OXR1: variants seen among roughly 807,000 people sequenced by gnomAD.
The protein encoded by OXR1 is oxidation resistance 1, also known as oxidation resistance protein 1.
In OXR1, 41 loss-of-function variants were observed where a neutral mutation model predicts 104.6. The observed-to-expected ratio is 0.39, with a 90% CI of 0.31 to 0.51. OXR1 has a LOEUF of 0.51. Ranked by LOEUF, OXR1 falls within the 20% of genes least tolerant of loss-of-function variation. OXR1 has a pLI of 0.77. For synonymous variants in OXR1, 348 were observed against 348.4 expected, an observed-to-expected ratio of 1.00 and a Z score of 0.01; for missense variants, 955 against 1,031.9, an observed-to-expected ratio of 0.93 and a Z score of 1.02.
intron 2 of OXR1, among the ~76,000 whole-genome samples, chr8:106,452,725 T>C (rs1437243580): frequency 1.3e-5 from 2 of 152,204 alleles, no homozygotes; most frequent in East Asian, 3.8e-4. Flanking sequence ...TTTGAAATCT[T>C]GTCCTTTGCT....
chr8:106,740,192 C>G, intron 13 of OXR1, 151 bp from the exon 14 acceptor site: 1 of 536,032 alleles, frequency 1.9e-6, no homozygotes, highest in South Asian at 3.1e-5. Flanking sequence ...ACTTTTCAAT[C>G]ATCTTAGTAT....
chr8:106,525,169 G>A (rs1813562163), intron 3 of OXR1, among the ~76,000 whole-genome samples: 1 of 152,208 alleles, frequency 6.6e-6, no homozygotes, highest in Non-Finnish European at 1.5e-5. Context: ...AAGAGGAGAG[G>A]AGGGAGTCTG....
At chr8:106,283,925 C>T (rs1406086898) in intron 1 of OXR1, among the ~76,000 whole-genome samples, 1 of 152,156 alleles carries the variant, frequency 6.6e-6, no homozygotes, top group South Asian at 2.1e-4. Context: ...GTGACATCTG[C>T]CAAATCAAAA....
intron 2 of OXR1, among the ~76,000 whole-genome samples, chr8:106,373,596 C>T (rs1586578877): frequency 6.6e-6 from 1 of 152,194 alleles, no homozygotes; most frequent in East Asian, 1.9e-4. Context: ...ATAGGGTGTT[C>T]TTTAATATCT....
chr8:106,632,322 T>C lies in OXR1; in HGVS notation c.221-46888T>C, dbSNP rs565734027. Among the ~76,000 whole-genome samples, 22 of 152,360 alleles carry C rather than the reference T, an allele frequency of 1.4e-4. No individual in the cohort carries two copies. In the South Asian group the frequency reaches 4.1e-3, roughly 29 times the overall value. On this transcript the variant is annotated intron_variant, in intron 3 of 16. Coordinates refer to ENST00000517566, the MANE Select transcript of OXR1 (RefSeq NM_001198533.2). ...ATGTTCTGTGTCTTTTATCTTTATA[T>C]GGACAGTTTTTGGAAAACTGTTATG...
chr8:106,443,848 C>T (rs1285074773), intron 2 of OXR1, among the ~76,000 whole-genome samples: 2 of 152,102 alleles, frequency 1.3e-5, no homozygotes, highest in Non-Finnish European at 2.9e-5. Flanking sequence ...CAAATGGGGT[C>T]TCATTAAGCT....
chr8:106,346,354 T>C (rs1815480469), intron 1 of OXR1, among the ~76,000 whole-genome samples: 1 of 152,042 alleles, frequency 6.6e-6, no homozygotes, highest in South Asian at 2.1e-4. Flanking sequence ...TAAAGAAATG[T>C]GGAAGGGTAA....
Position 106,713,892 on chromosome 8 carries a change from T to C in OXR1, c.1863T>C (p.Tyr621=), listed in dbSNP as rs767933091. The change falls in exon 11 of 17, where the codon TAT becomes TAC. Residue 621 remains tyrosine (Y), a synonymous_variant. Transcript: ENST00000517566. The part of the protein sequence containing the change: ...PEIYAEDTGE[Y]TREPGFIVVK... Reference sequence around the variant, plus strand: ...TATATGCAGAAGATACTGGCGAATATACCAGAGAACCTGGATTTATAGTAG... The same window carrying C: ...TATATGCAGAAGATACTGGCGAATACACCAGAGAACCTGGATTTATAGTAG... 6.3e-7 allele frequency: 1 copy of C among 1,592,898 alleles called. No homozygotes were observed. The highest frequency in any genetic ancestry group is 1.8e-5 in the Admixed American group (1 of 54,470).
intron 3 of OXR1, among the ~76,000 whole-genome samples, chr8:106,574,908 C>T (rs1396230924): frequency 6.6e-6 from 1 of 152,154 alleles, no homozygotes; most frequent in Non-Finnish European, 1.5e-5. Flanking sequence ...AAGAAGATGA[C>T]AATCAACTAC....
In OXR1 at chr8:106,595,900, T is replaced by G. The variant is rs192074535; in HGVS notation, c.220+76761T>G. On this transcript the variant is annotated intron_variant, in intron 3 of 16. Coordinates refer to ENST00000517566, the MANE Select transcript of OXR1 (RefSeq NM_001198533.2). ...GCTACAGGTGCAGGTCAGGGGAGAC[T>G]GGTGAATATGAACCCTTGAAAAAGA... Among the ~76,000 whole-genome samples the G allele has an allele frequency of 9.7e-4, 148 of 152,282 alleles. 1 individual carries two copies. The highest frequency in any genetic ancestry group is 3.4e-3 in the African/African-American group (143 of 41,556).
intron 3 of OXR1, among the ~76,000 whole-genome samples, chr8:106,623,049 C>T (rs1821855335): frequency 6.6e-6 from 1 of 152,108 alleles, no homozygotes; most frequent in East Asian, 1.9e-4. Flanking sequence ...AGCGTCAGAG[C>T]TAAGATTCAA....
intron 11 of OXR1, among the ~76,000 whole-genome samples, chr8:106,717,410 T>C (rs62514964): frequency 0.023 from 3,463 of 152,238 alleles, 42 homozygotes; most frequent in East Asian, 0.039. Flanking sequence ...GATGAACTTG[T>C]TATGGCTACC....
intron 2 of OXR1, among the ~76,000 whole-genome samples, chr8:106,360,034 T>G (rs1170078031): frequency 1.3e-5 from 2 of 152,174 alleles, no homozygotes; most frequent in African/African-American, 2.4e-5. Flanking sequence ...ACTTCTTTGC[T>G]TCAGGTTTTA....
intron 10 of OXR1, among the ~76,000 whole-genome samples, chr8:106,712,468 A>T (rs1831795632): frequency 6.6e-6 from 1 of 152,118 alleles, no homozygotes; most frequent in South Asian, 2.1e-4. Context: ...GTGAAAGCAG[A>T]TAACAGGAAA....
chr8:106,538,855 G>A (rs1406110262), intron 3 of OXR1, among the ~76,000 whole-genome samples: 1 of 152,116 alleles, frequency 6.6e-6, no homozygotes, highest in African/African-American at 2.4e-5. Flanking sequence ...GAAAAAGTAT[G>A]GAACTGCATA....
At chr8:106,394,808 T>A (rs910287491) in intron 2 of OXR1, among the ~76,000 whole-genome samples, 1 of 152,060 alleles carries the variant, frequency 6.6e-6, no homozygotes, top group African/African-American at 2.4e-5. Context: ...AATGGGACTG[T>A]TTCACATGCT....
intron 1 of OXR1, among the ~76,000 whole-genome samples, chr8:106,287,470 G>A (rs1460941478): frequency 6.6e-6 from 1 of 152,102 alleles, no homozygotes; most frequent in Non-Finnish European, 1.5e-5. Flanking sequence ...GGTCTGAATG[G>A]TCTCCAAGTA....
In OXR1 at chr8:106,575,714, A is replaced by G. The variant is rs1326984118; in HGVS notation, c.220+56575A>G. On this transcript the variant is annotated intron_variant, in intron 3 of 16. Transcript: ENST00000517566. ...AAGAATATATTAAAAAAAAAAAAAA[A>G]GAGAAAGGGGCTTGAATTACTGATT... Among the ~76,000 whole-genome samples, 4 of 148,754 alleles carry G rather than the reference A, an allele frequency of 2.7e-5. No individual in the cohort carries two copies. In the East Asian group the frequency reaches 7.9e-4, roughly 30 times the overall value.
At chr8:106,462,390 G>GT in intron 2 of OXR1, among the ~76,000 whole-genome samples, 1 of 152,096 alleles carries the variant, frequency 6.6e-6, no homozygotes, top group Non-Finnish European at 1.5e-5. Context: ...ATGTTAGTTT[G>GT]TTTTTTCACC....
Sources: allele counts gnomAD v4.1 joint callset (sites outside exome capture counted in the v4.1 genomes callset), GRCh38; gene constraint gnomAD v4.1.1; transcripts MANE v1.5; gene names NCBI Gene and HGNC (gene_info 2026-07-23, HGNC 2026-07-21).